LMNTD1: variants seen among roughly 807,000 people sequenced by gnomAD.
The protein encoded by LMNTD1 is lamin tail domain-containing protein 1.
Under a neutral mutation model 50.9 loss-of-function variants are expected in LMNTD1, and 35 were observed. The ratio of observed to expected loss-of-function variants is 0.69; its 90% CI spans 0.53 to 0.91. LMNTD1 has a LOEUF of 0.91. LMNTD1 is among the 40% of genes least tolerant of loss of function. The pLI is 0.00. For synonymous variants in LMNTD1, 153 were observed against 161.9 expected, an observed-to-expected ratio of 0.94 and a Z score of 0.42; for missense variants, 470 against 475.5, an observed-to-expected ratio of 0.99 and a Z score of 0.11.
At chr12:25,647,010 A>C (rs1193702250) in intron 1 of LMNTD1, among the ~76,000 whole-genome samples, 1 of 152,208 alleles carries the variant, frequency 6.6e-6, no homozygotes, top group Non-Finnish European at 1.5e-5. Context: ...GACTTTTCAA[A>C]TGTCTTTCCT....
chr12:25,549,344 T>C lies in LMNTD1; in HGVS notation c.292A>G (p.Arg98Gly), dbSNP rs1459104185. 1.9e-6 allele frequency: 3 copies of C among 1,609,014 alleles called. No individual in the cohort carries two copies. The highest frequency in any genetic ancestry group is 4.5e-5 in the East Asian group (2 of 44,706). Residue 98 changes from arginine to glycine, a missense_variant, in exon 3 of 10, where the codon AGA (arginine) becomes GGA (glycine). Arg to Gly is a moderately radical substitution (Grantham distance 125, BLOSUM62 -2). Coordinates refer to ENST00000458174, the MANE Select transcript of LMNTD1 (RefSeq NM_001145728.2). ...TGCTTACCCAAGCTGTTTTCCACTC[T>C]GGAACAGCTACCTACAGTAGCTTTA... Reference protein sequence around the residue: ...TSKATVGSCSRVENSLDASPF... With the variant: ...TSKATVGSCSGVENSLDASPF...
In LMNTD1 at chr12:25,497,158, T is replaced by C. The variant is rs187410738; in HGVS notation, c.*22+6580A>G. Among the ~76,000 whole-genome samples the C allele has an allele frequency of 3.9e-4, 60 of 152,242 alleles. 1 individual carries two copies. Among genetic ancestry groups the C allele is most frequent in the Non-Finnish European group, 6.6e-4 (45 of 67,980 alleles). ...TTGGGCTTTTGTGAATAATAGTCTATGAACACTAGTACAAAAGTGAGTCAG... is the reference window on the plus strand; with the variant it reads ...TTGGGCTTTTGTGAATAATAGTCTACGAACACTAGTACAAAAGTGAGTCAG... On this transcript the variant is annotated intron_variant, in intron 9 of 9. Coordinates refer to ENST00000458174, the MANE Select transcript of LMNTD1 (RefSeq NM_001145728.2).
At chr12:25,601,133 C>T (rs1945960904) in intron 1 of LMNTD1, among the ~76,000 whole-genome samples, 1 of 151,878 alleles carries the variant, frequency 6.6e-6, no homozygotes, top group South Asian at 2.1e-4. Context: ...GGAATGAAAT[C>T]CTGTCATTTG....
intron 1 of LMNTD1, among the ~76,000 whole-genome samples, chr12:25,623,553 CAAAAAAAAAAAAAAAAA>C (rs57326398): frequency 5.2e-5 from 3 of 57,534 alleles, no homozygotes; most frequent in African/African-American, 2.1e-4. Flanking sequence ...GACTCTGTCT[CAAAAAAAAAAAAAAAAA>C]AAAAAAAAAA....
At chr12:25,616,039 A>G (rs1221615635) in intron 1 of LMNTD1, among the ~76,000 whole-genome samples, 1 of 151,826 alleles carries the variant, frequency 6.6e-6, no homozygotes, top group East Asian at 1.9e-4. Context: ...CATGAAGTCT[A>G]CTTCTAGTAG....
chr12:25,519,797 C>A, intron 7 of LMNTD1, 61 bp downstream of exon 7: 2 of 1,100,670 alleles, frequency 1.8e-6, no homozygotes, highest in South Asian at 1.3e-5. Context: ...GTCGTTCCCA[C>A]ATGCTTAGTT....
At chr12:25,532,359 C>T (rs1942283569) in intron 4 of LMNTD1, among the ~76,000 whole-genome samples, 1 of 152,146 alleles carries the variant, frequency 6.6e-6, no homozygotes, top group Non-Finnish European at 1.5e-5. Flanking sequence ...ACTTACTCTT[C>T]CATCTTTCCT....
chr12:25,596,375 C>G (rs565389138), intron 1 of LMNTD1, among the ~76,000 whole-genome samples: 2 of 152,166 alleles, frequency 1.3e-5, no homozygotes, highest in East Asian at 3.9e-4. Context: ...GATAATCCAC[C>G]ATGATCAAGA....
intron 9 of LMNTD1, among the ~76,000 whole-genome samples, chr12:25,498,850 C>A (rs1245007743): frequency 6.6e-6 from 1 of 152,240 alleles, no homozygotes; most frequent in East Asian, 1.9e-4. Flanking sequence ...ACATGCTAGG[C>A]ATCTTCATTT....
intron 6 of LMNTD1, among the ~76,000 whole-genome samples, chr12:25,522,856 G>A (rs1431133293): frequency 6.6e-6 from 1 of 152,062 alleles, no homozygotes; most frequent in Non-Finnish European, 1.5e-5. Context: ...TGGGAAAGTA[G>A]AATAACAATT....
At chr12:25,555,965 CTTTTTTTTTTT>C (rs71065954), upstream of LMNTD1, among the ~76,000 whole-genome samples, 2 of 69,410 alleles carry the variant, frequency 2.9e-5, no homozygotes, top group East Asian at 3.6e-4. Flanking sequence ...GTGCAATAAT[CTTTTTTTTTTT>C]TTTTTTTTTT....
chr12:25,613,345 C>T (rs1203531921), intron 1 of LMNTD1, among the ~76,000 whole-genome samples: 1 of 152,090 alleles, frequency 6.6e-6, no homozygotes, highest in East Asian at 1.9e-4. Flanking sequence ...ACCAAAAGAC[C>T]TGTGTGTGTT....
chr12:25,511,088 G>T (rs113807974), intron 8 of LMNTD1, among the ~76,000 whole-genome samples: 1 of 152,230 alleles, frequency 6.6e-6, no homozygotes, highest in African/African-American at 2.4e-5. Flanking sequence ...AGGGGTGAAA[G>T]AATGTGTGAA....
intron 4 of LMNTD1, among the ~76,000 whole-genome samples, chr12:25,537,633 G>A (rs10842575): frequency 6.6e-6 from 1 of 150,830 alleles, no homozygotes; most frequent in African/African-American, 2.4e-5. Context: ...AAAAACAGAA[G>A]AGAAAAACTG....
chr12:25,560,734 T>C (rs1944269270), intron 1 of LMNTD1, among the ~76,000 whole-genome samples: 1 of 151,558 alleles, frequency 6.6e-6, no homozygotes, highest in Non-Finnish European at 1.5e-5. Context: ...CAGTGGTTTG[T>C]GTTTCTCCTT....
chr12:25,598,582 G>A (rs770501774), intron 1 of LMNTD1, among the ~76,000 whole-genome samples: 19 of 151,602 alleles, frequency 1.3e-4, no homozygotes, highest in Non-Finnish European at 2.2e-4. Flanking sequence ...TTCTTGAAAA[G>A]TTAAACAAAA....
chr12:25,546,681 A>G (rs868751767), intron 3 of LMNTD1, 127 bp from the exon 4 acceptor site: 3 of 495,330 alleles, frequency 6.1e-6, no homozygotes, highest in Middle Eastern at 5.4e-4. Context: ...TAATATCACT[A>G]TCAAACTTAA....
At chr12:25,622,252 A>G (rs1030611918) in intron 1 of LMNTD1, among the ~76,000 whole-genome samples, 1 of 152,118 alleles carries the variant, frequency 6.6e-6, no homozygotes, top group Non-Finnish European at 1.5e-5. Flanking sequence ...AAAACACTCA[A>G]TAATGATTCT....
At chr12:25,510,580 T>A (rs1183460296) in intron 8 of LMNTD1, among the ~76,000 whole-genome samples, 2 of 152,194 alleles carry the variant, frequency 1.3e-5, no homozygotes, top group Non-Finnish European at 2.9e-5. Flanking sequence ...ACAACTCTAC[T>A]AGACTTACTT....
Sources: allele counts gnomAD v4.1 joint callset (sites outside exome capture counted in the v4.1 genomes callset), GRCh38; gene constraint gnomAD v4.1.1; transcripts MANE v1.5; gene names NCBI Gene and HGNC (gene_info 2026-07-23, HGNC 2026-07-21).